LRRIQ1: variants seen among roughly 807,000 people sequenced by gnomAD.
The protein encoded by LRRIQ1 is leucine-rich repeat- and IQ domain-containing protein 1.
LRRIQ1 carries 210 observed loss-of-function variants against 211.9 expected under a neutral mutation model. The ratio of observed to expected loss-of-function variants is 0.99; its 90% CI spans 0.89 to 1.11. The LOEUF (loss-of-function observed/expected upper bound fraction) is 1.11, where lower values mean the gene tolerates loss of function less well. Ranked by LOEUF, LRRIQ1 falls within the 50% of genes most tolerant of loss-of-function variation. The pLI, the probability that LRRIQ1 is intolerant of heterozygous loss-of-function variation, is 0.00. For missense variants in LRRIQ1, 2,136 were observed against 1,939.5 expected, an observed-to-expected ratio of 1.10 and a Z score of -1.90; for synonymous variants, 699 against 650.1, an observed-to-expected ratio of 1.08 and a Z score of -1.14.
At chr12:85,121,002 T>C (rs1201239823) in intron 15 of LRRIQ1, among the ~76,000 whole-genome samples, 1 of 152,176 alleles carries the variant, frequency 6.6e-6, no homozygotes, top group Non-Finnish European at 1.5e-5. Context: ...GGAGCCTCGC[T>C]CTGTCACCAG....
intron 18 of LRRIQ1, among the ~76,000 whole-genome samples, chr12:85,136,183 T>G (rs965312033): frequency 3.0e-5 from 3 of 101,108 alleles, no homozygotes; most frequent in African/African-American, 1.6e-4. Context: ...TATGTGTATG[T>G]GGGTGTGCAC....
chr12:85,176,137 A>T lies in LRRIQ1; in HGVS notation c.4822+15423A>T, dbSNP rs1323598485. Among the ~76,000 whole-genome samples, 8 of 152,112 alleles carry T rather than the reference A, an allele frequency of 5.3e-5. No individual in the cohort carries two copies. The South Asian group carries it at 6.2e-4, about 12-fold the overall frequency. ...ACGATACTGATTCTTCCTACCCATGAGCATGGAATGTTCTTCCCTTTGTTT... is the reference window on the plus strand; with the variant it reads ...ACGATACTGATTCTTCCTACCCATGTGCATGGAATGTTCTTCCCTTTGTTT... On this transcript the variant is annotated intron_variant, in intron 24 of 26. Transcript: ENST00000393217.
At chr12:85,250,941 ATATATTT>A (rs1895917933) in intron 1 of LRRIQ1, among the ~76,000 whole-genome samples, 2 of 104,526 alleles carry the variant, frequency 1.9e-5, no homozygotes, top group Non-Finnish European at 3.5e-5. Flanking sequence ...ATTATATATA[ATATATTT>A]TATATATTAT....
At chr12:85,038,029 T>C (rs1032545123) in intron 1 of LRRIQ1, 124 bp from the exon 2 acceptor site, 1 of 504,610 alleles carries the variant, frequency 2.0e-6, no homozygotes, top group Admixed American at 4.3e-5. Context: ...GGTGTAACCA[T>C]AATAAGGTGT....
Position 85,038,204 on chromosome 12 carries a change from G to A in LRRIQ1, c.28G>A (p.Ala10Thr). The A allele has an allele frequency of 6.3e-7, 1 of 1,579,056 alleles. No homozygotes were observed. Among genetic ancestry groups the A allele is most frequent in the Non-Finnish European group, 8.6e-7 (1 of 1,160,984 alleles). ...GGACGATGATGATGCAAAGCTCAAA[G>A]CAGAAATAGAAGCTGAATTGGATAA... MDDDDAKLK[A>T]EIEAELDKLS... The change falls in exon 2 of 27, where the codon GCA (alanine) becomes ACA (threonine). Residue 10 changes from alanine to threonine, a missense_variant. Coordinates refer to ENST00000393217, the MANE Select transcript of LRRIQ1 (RefSeq NM_001079910.2).
chr12:85,271,716 T>A, the LRRIQ1 span, among the ~76,000 whole-genome samples: 1 of 152,126 alleles, frequency 6.6e-6, no homozygotes, highest in Non-Finnish European at 1.5e-5. Flanking sequence ...CTCAAAAATA[T>A]CCTCAGAGCT....
intron 11 of LRRIQ1, among the ~76,000 whole-genome samples, chr12:85,084,509 GAT>G (rs1437374203): frequency 1.3e-5 from 2 of 152,044 alleles, no homozygotes; most frequent in Admixed American, 1.3e-4. Context: ...TATGTAAACT[GAT>G]ATGTTTTCCG....
intron 8 of LRRIQ1, among the ~76,000 whole-genome samples, chr12:85,061,644 C>T (rs1320769145): frequency 6.6e-6 from 1 of 151,728 alleles, no homozygotes; most frequent in East Asian, 1.9e-4. Context: ...TGTTACTATA[C>T]AGCTGTAATT....
chr12:85,232,546 CTTA>C (rs1256430123), intron 25 of LRRIQ1, 147 bp from the exon 26 acceptor site: 1 of 657,236 alleles, frequency 1.5e-6, no homozygotes, highest in Non-Finnish European at 2.6e-6. Context: ...TACATTTGTA[CTTA>C]TTTTTACTTA....
At chr12:85,055,116 G>A (rs1257241977) in intron 7 of LRRIQ1, among the ~76,000 whole-genome samples, 1 of 152,058 alleles carries the variant, frequency 6.6e-6, no homozygotes, top group African/African-American at 2.4e-5. Flanking sequence ...AATAATTCCT[G>A]TTTTTGCAGT....
At chr12:85,050,649 A>G (rs572686259) in intron 6 of LRRIQ1, among the ~76,000 whole-genome samples, 3 of 152,260 alleles carry the variant, frequency 2.0e-5, no homozygotes, top group Non-Finnish European at 2.9e-5. Context: ...TTGTAGTTCA[A>G]GCTGCCTGAG....
intron 11 of LRRIQ1, among the ~76,000 whole-genome samples, chr12:85,093,993 A>T (rs996704513): frequency 2.0e-5 from 3 of 152,196 alleles, no homozygotes; most frequent in African/African-American, 7.2e-5. Context: ...CTAGAAGAGG[A>T]TCAACTGCTT....
intron 23 of LRRIQ1, 54 bp from the exon 24 acceptor site, chr12:85,160,559 G>C (rs77427757): frequency 9.4e-5 from 103 of 1,092,044 alleles, no homozygotes; most frequent in East Asian, 3.1e-4. Context: ...TGGACATTTA[G>C]AGAAGGAATT....
intron 1 of LRRIQ1, among the ~76,000 whole-genome samples, chr12:85,253,644 T>G (rs1178286458): frequency 6.6e-6 from 1 of 152,016 alleles, no homozygotes; most frequent in Admixed American, 6.6e-5. Flanking sequence ...AAATTTACAG[T>G]TTTACATAAA....
Position 85,040,524 on chromosome 12 carries a change from G to A in LRRIQ1, c.167G>A (p.Cys56Tyr), listed in dbSNP as rs748427114. Residue 56 changes from cysteine (C) to tyrosine (Y), a missense_variant, in exon 3 of 27, where the codon TGT (cysteine) becomes TAT (tyrosine). By Grantham distance (194) the Cys-to-Tyr change is radical. Transcript: ENST00000393217. ...SVELPESVLHCINIIKNRSKA... is the reference protein window; with the variant it reads ...SVELPESVLHYINIIKNRSKA... ...GAATTACCAGAATCAGTTCTTCACTGTATTAACATCATAAAGAACAGGAGT... is the reference window on the plus strand; with the variant it reads ...GAATTACCAGAATCAGTTCTTCACTATATTAACATCATAAAGAACAGGAGT... The A allele has an allele frequency of 1.9e-6, 3 of 1,591,338 alleles. No individual in the cohort carries two copies. The highest frequency in any genetic ancestry group is 1.1e-5 in the South Asian group (1 of 87,154).
intron 24 of LRRIQ1, among the ~76,000 whole-genome samples, chr12:85,186,901 A>G (rs1892254197): frequency 6.6e-6 from 1 of 152,088 alleles, no homozygotes; most frequent in African/African-American, 2.4e-5. Flanking sequence ...TTTGATAATG[A>G]TAATGATTAT....
intron 18 of LRRIQ1, among the ~76,000 whole-genome samples, chr12:85,129,357 A>G (rs1888597170): frequency 6.6e-6 from 1 of 152,316 alleles, no homozygotes. Flanking sequence ...TTCGTGTTAA[A>G]TGATAGTAAT....
At chr12:85,074,606 A>C (rs168613) in intron 11 of LRRIQ1, among the ~76,000 whole-genome samples, 90,539 of 151,704 alleles carry the variant, frequency 0.6, 29,304 homozygotes, top group African/African-American at 0.86. Flanking sequence ...CCCCTTACTA[A>C]CTTTCCCAGC....
intron 1 of LRRIQ1, among the ~76,000 whole-genome samples, chr12:85,256,187 T>G (rs1218012590): frequency 2.6e-5 from 4 of 151,638 alleles, no homozygotes; most frequent in Non-Finnish European, 5.9e-5. Flanking sequence ...CTGTATTTTG[T>G]AAGAGAACTA....
Sources: gnomAD v4.1 joint callset for allele counts (sites outside exome capture counted in the v4.1 genomes callset) on GRCh38, gnomAD v4.1.1 for gene constraint, MANE v1.5 for transcripts, NCBI Gene and HGNC (gene_info 2026-07-23, HGNC 2026-07-21) for gene names.